The following PTPRZ1 variants were observed in gnomAD, a reference collection of about 807,000 sequenced individuals.
PTPRZ1 encodes the protein protein tyrosine phosphatase receptor type Z1, also known as receptor-type tyrosine-protein phosphatase zeta.
PTPRZ1 carries 82 observed loss-of-function variants against 214.1 expected under a neutral mutation model. The observed-to-expected ratio is 0.38, with a 90% confidence interval of 0.32 to 0.46. The LOEUF (loss-of-function observed/expected upper bound fraction) is 0.46, where lower values mean the gene tolerates loss of function less well. Among genes scored for constraint, PTPRZ1 ranks in the 20% least tolerant of loss-of-function variants. The pLI, the probability that PTPRZ1 is intolerant of heterozygous loss-of-function variation, is 1.00. For missense variants in PTPRZ1, 2,603 were observed against 2,748.7 expected (o/e 0.95, Z 1.19); for synonymous variants, 945 against 987.9 (o/e 0.96, Z 0.81).
intron 14 of PTPRZ1, 118 bp from the exon 15 acceptor site, chr7:122,031,356 G>C (rs1799363896): frequency 1.4e-6 from 1 of 694,910 alleles, no homozygotes; most frequent in South Asian, 1.9e-5. Flanking sequence ...ATTGAATGCT[G>C]AGATTTAGTT....
At chr7:122,032,827 G>C (rs1036796018) in intron 15 of PTPRZ1, among the ~76,000 whole-genome samples, 3 of 152,134 alleles carry the variant, frequency 2.0e-5, no homozygotes, top group Non-Finnish European at 2.9e-5. Context: ...GTGTGAGGCA[G>C]TACTAAGTAG....
intron 25 of PTPRZ1, among the ~76,000 whole-genome samples, chr7:122,052,549 A>G (rs1038936866): frequency 6.6e-6 from 1 of 152,164 alleles, no homozygotes; most frequent in African/African-American, 2.4e-5. Flanking sequence ...CCAGCAAAGA[A>G]AATATTAAGG....
At chr7:122,008,585 G>A (rs1310033336) in intron 11 of PTPRZ1, among the ~76,000 whole-genome samples, 2 of 152,070 alleles carry the variant, frequency 1.3e-5, no homozygotes, top group South Asian at 2.1e-4. Context: ...TTTATGTTAA[G>A]AAGAAGTGTG....
intron 1 of PTPRZ1, among the ~76,000 whole-genome samples, chr7:121,904,648 T>G (rs1795066640): frequency 6.6e-6 from 1 of 152,202 alleles, no homozygotes; most frequent in African/African-American, 2.4e-5. Context: ...TTATGGACCT[T>G]ATAATCAGAA....
intron 2 of PTPRZ1, among the ~76,000 whole-genome samples, chr7:121,934,234 G>T (rs1297060745): frequency 6.6e-6 from 1 of 152,072 alleles, no homozygotes; most frequent in African/African-American, 2.4e-5. Context: ...AGCAAGAAGG[G>T]CAAAGGTAGT....
intron 2 of PTPRZ1, among the ~76,000 whole-genome samples, chr7:121,966,286 A>C (rs1256741860): frequency 6.6e-6 from 1 of 152,186 alleles, no homozygotes; most frequent in Non-Finnish European, 1.5e-5. Flanking sequence ...AGTGTTATTG[A>C]AGATTTAAAA....
At chr7:121,920,591 C>A (rs183588765) in intron 1 of PTPRZ1, among the ~76,000 whole-genome samples, 14 of 152,068 alleles carry the variant, frequency 9.2e-5, no homozygotes, top group Non-Finnish European at 2.1e-4. Flanking sequence ...AGACATAAAA[C>A]TAGGTAACTA....
At chr7:121,897,957 C>A (rs183072891) in intron 1 of PTPRZ1, among the ~76,000 whole-genome samples, 4 of 151,994 alleles carry the variant, frequency 2.6e-5, no homozygotes, top group African/African-American at 9.7e-5. Context: ...ATAATGGATC[C>A]GTTAGATAAT....
intron 1 of PTPRZ1, among the ~76,000 whole-genome samples, chr7:121,875,722 G>A (rs1794037740): frequency 1.3e-5 from 2 of 152,230 alleles, no homozygotes; most frequent in African/African-American, 4.8e-5. Context: ...AGGCTGACCT[G>A]GAGGCATTGG....
rs183699478 is a variant in PTPRZ1, at chr7:121,986,987, C to T, written c.928+2870C>T. 2.4e-3 allele frequency among the ~76,000 whole-genome samples: 370 copies of T among 152,244 alleles called. 3 individuals carry two copies. Among genetic ancestry groups the T allele is most frequent in the Non-Finnish European group, 4.2e-3 (285 of 68,020 alleles). Reference sequence around the variant, plus strand: ...AGTGATGGGGAGAGGCTACAAAACTCAGCATCTCATCAAAATATCTGCCTA... The same window carrying T: ...AGTGATGGGGAGAGGCTACAAAACTTAGCATCTCATCAAAATATCTGCCTA... On this transcript the variant is annotated intron_variant, in intron 8 of 29. Transcript: ENST00000393386.
chr7:122,044,284 T>C, intron 22 of PTPRZ1, 138 bp from the exon 23 acceptor site: 1 of 960,752 alleles, frequency 1.0e-6, no homozygotes, highest in East Asian at 2.5e-5. Context: ...TCCTTCCAGG[T>C]TTTGTAAGCA....
intron 1 of PTPRZ1, among the ~76,000 whole-genome samples, chr7:121,913,553 G>A (rs969115464): frequency 6.6e-6 from 1 of 152,172 alleles, no homozygotes; most frequent in Non-Finnish European, 1.5e-5. Flanking sequence ...TATAGTCATT[G>A]AATTAATTGG....
In PTPRZ1 at chr7:121,903,342, T is replaced by G. The variant is rs146255813; in HGVS notation, c.59-24814T>G. Among the ~76,000 whole-genome samples, 41 of 152,316 alleles carry G rather than the reference T, an allele frequency of 2.7e-4. 1 individual carries two copies. In the East Asian group the frequency reaches 6.9e-3, roughly 26 times the overall value. On this transcript the variant is annotated intron_variant, in intron 1 of 29. Transcript: ENST00000393386. ...CTGTATCAACTACAGTATCATTTAT[T>G]CACTTAAAAAGCTGTTGTCATGTTC...
chr7:122,054,043 G>A lies in PTPRZ1; in HGVS notation c.6381+5G>A. 3.1e-6 allele frequency: 5 copies of A among 1,612,596 alleles called. No homozygotes were observed. Among genetic ancestry groups the A allele is most frequent in the Non-Finnish European group, 4.2e-6 (5 of 1,178,962 alleles). ...ATTCCTGATGGCCAAAACATGGTAA[G>A]TCCCTTAGACCACTTTTGGGACTTC... On this transcript the variant is annotated splice_donor_5th_base_variant and intron_variant, in intron 26 of 29. Transcript: ENST00000393386.
intron 23 of PTPRZ1, among the ~76,000 whole-genome samples, chr7:122,046,531 G>C (rs1221479117): frequency 6.6e-6 from 1 of 152,140 alleles, no homozygotes; most frequent in African/African-American, 2.4e-5. Context: ...GGAGAATTGC[G>C]TAAGATATAT....
chr7:121,955,028 A>G (rs143472310), intron 2 of PTPRZ1, among the ~76,000 whole-genome samples: 82 of 152,344 alleles, frequency 5.4e-4, no homozygotes, highest in Non-Finnish European at 1.0e-3. Context: ...GGCAGCATGG[A>G]CTTCAACCAA....
chr7:121,885,738 A>G (rs1354553855), intron 1 of PTPRZ1, among the ~76,000 whole-genome samples: 1 of 152,140 alleles, frequency 6.6e-6, no homozygotes, highest in African/African-American at 2.4e-5. Context: ...TCAATTCCCT[A>G]TTTGGAAGGA....
chr7:121,981,293 C>T (rs1430423000), intron 6 of PTPRZ1, among the ~76,000 whole-genome samples: 2 of 152,202 alleles, frequency 1.3e-5, no homozygotes, highest in East Asian at 3.9e-4. Flanking sequence ...CACTAGAGAT[C>T]TTAATGCAAA....
At position 122,013,868 on chromosome 7, in the gene PTPRZ1, G is replaced by A. The variant is rs199741081; in HGVS notation, c.4822G>A (p.Val1608Met). ...TSSVTSENSEVFHVSEAEASN... is the reference protein window; with the variant it reads ...TSSVTSENSEMFHVSEAEASN... ...ATCTGTTACTAGCGAGAACTCAGAA[G>A]TGTTCCACGTTTCAGAGGCAGGTTA... The change falls in exon 12 of 30, where the codon GTG (valine) becomes ATG (methionine). Residue 1608 changes from valine (V) to methionine (M), a missense_variant. Coordinates refer to ENST00000393386, the MANE Select transcript of PTPRZ1 (RefSeq NM_002851.3). 17 of 1,608,804 alleles carry A rather than the reference G, an allele frequency of 1.1e-5. No homozygotes were observed. In the Admixed American group the frequency reaches 2.0e-4, roughly 19 times the overall value.
Sources: allele counts gnomAD v4.1 joint callset (sites outside exome capture counted in the v4.1 genomes callset), GRCh38; gene constraint gnomAD v4.1.1; transcripts MANE v1.5; gene names NCBI Gene and HGNC (gene_info 2026-07-23, HGNC 2026-07-21).